ESR1: variants seen among roughly 807,000 people sequenced by gnomAD.
ESR1 encodes estrogen receptor.
Under a neutral mutation model 52.7 loss-of-function variants are expected in ESR1, and 12 were observed. The ratio of observed to expected loss-of-function variants is 0.23; its 90% CI spans 0.15 to 0.37. ESR1 has a LOEUF of 0.37. ESR1 is among the 10% of genes least tolerant of loss of function. ESR1 has a pLI of 1.00. For missense variants in ESR1, 584 were observed against 779.7 expected (o/e 0.75, Z 2.99); for synonymous variants, 305 against 316.8 (o/e 0.96, Z 0.39).
chr6:151,749,741 G>A (rs574779790), intron 2 of ESR1, among the ~76,000 whole-genome samples: 1 of 152,292 alleles, frequency 6.6e-6, no homozygotes, highest in Non-Finnish European at 1.5e-5. Context: ...TCCCCAGTCT[G>A]GGAGGCTGGT....
At position 152,098,045 on chromosome 6, in the gene ESR1, GA is replaced by G. The variant is rs1490496909; in HGVS notation, c.1554-685del. Among the ~76,000 whole-genome samples, 2 of 152,282 alleles carry G rather than the reference GA, an allele frequency of 1.3e-5. No homozygotes were observed. The highest frequency in any genetic ancestry group is 2.1e-4 in the South Asian group (1 of 4,820). On this transcript the variant is annotated intron_variant, in intron 7 of 7. Coordinates refer to ENST00000206249, the MANE Select transcript of ESR1 (RefSeq NM_000125.4). The surrounding 1 kb of genome is among the most constrained non-coding windows in gnomAD (Gnocchi z 5.1). ...AGGAGGCGGCATTTGAAGACCGGAG[GA>G]AGGTTCATCCCAGCAAGTAGGAACA... is the stretch of plus-strand genomic sequence containing the variant.
intron 1 of ESR1, among the ~76,000 whole-genome samples, chr6:151,693,918 G>T (rs1300577394): frequency 2.0e-5 from 3 of 151,984 alleles, no homozygotes; most frequent in Non-Finnish European, 4.4e-5. Flanking sequence ...ATACCCGGTT[G>T]TATGCTGATG....
Position 151,878,030 on chromosome 6 carries a change from G to T in ESR1, c.644-2625G>T, listed in dbSNP as rs188674131. Among the ~76,000 whole-genome samples the T allele has an allele frequency of 1.8e-3, 277 of 151,984 alleles. 1 individual carries two copies. Among genetic ancestry groups the T allele is most frequent in the Non-Finnish European group, 3.5e-3 (239 of 67,972 alleles). ...AGATATTGTTATGTTGCCCAGGCTG[G>T]TCTAAAACTCCTGGTCTCAAACTAT... is the stretch of plus-strand genomic sequence containing the variant. On this transcript the variant is annotated intron_variant, in intron 2 of 7. Coordinates refer to ENST00000206249, the MANE Select transcript of ESR1 (RefSeq NM_000125.4).
At chr6:151,861,365 A>T (rs1788855770) in intron 2 of ESR1, among the ~76,000 whole-genome samples, 1 of 152,242 alleles carries the variant, frequency 6.6e-6, no homozygotes, top group African/African-American at 2.4e-5. Flanking sequence ...AGGAGAATAG[A>T]TTGCAAAAAG....
chr6:152,089,558 CATGT>C (rs2050012834), intron 6 of ESR1, among the ~76,000 whole-genome samples: 1 of 152,230 alleles, frequency 6.6e-6, no homozygotes, highest in Non-Finnish European at 1.5e-5. Context: ...TGGGCACAGC[CATGT>C]GAAAGCTTTT....
intron 6 of ESR1, among the ~76,000 whole-genome samples, chr6:152,115,881 T>C (rs2747652): frequency 0.53 from 80,117 of 151,958 alleles, 21,406 homozygotes; most frequent in East Asian, 0.56. Flanking sequence ...CCCTTCCCAA[T>C]CGTCTGCACC....
At chr6:152,007,482 G>T (rs939730297) in intron 4 of ESR1, among the ~76,000 whole-genome samples, 7 of 152,000 alleles carry the variant, frequency 4.6e-5, no homozygotes, top group African/African-American at 1.7e-4. Flanking sequence ...CTGCCCATAT[G>T]CGGGGTGAGG....
At chr6:151,886,801 G>T (rs1436108671) in intron 3 of ESR1, among the ~76,000 whole-genome samples, 1 of 152,072 alleles carries the variant, frequency 6.6e-6, no homozygotes, top group Non-Finnish European at 1.5e-5. Flanking sequence ...AGCATTTTGG[G>T]AGGCCGAGGC....
Position 151,808,315 on chromosome 6 carries a change from G to C in ESR1, c.403G>C (p.Glu135Gln). 6 of 1,559,598 alleles carry C rather than the reference G, an allele frequency of 3.8e-6. No individual in the cohort carries two copies. Among genetic ancestry groups the C allele is most frequent in the South Asian group, 1.2e-5 (1 of 83,306 alleles). Residue 135 changes from glutamate (E) to glutamine (Q), a missense_variant, in exon 1 of 8, where the codon GAG becomes CAG. Transcript: ENST00000206249. ...GQQVPYYLEN[E>Q]PSGYTVREAG... ...GCAGGTGCCCTACTACCTGGAGAAC[G>C]AGCCCAGCGGCTACACGGTGCGCGA... is the stretch of plus-strand genomic sequence containing the variant.
At chr6:152,012,688 G>C (rs562018922) in intron 5 of ESR1, among the ~76,000 whole-genome samples, 38 of 152,284 alleles carry the variant, frequency 2.5e-4, no homozygotes, top group African/African-American at 8.9e-4. Context: ...GTTCAGTGAT[G>C]CCTCCTTTGG....
chr6:151,850,045 T>TTTATATATATATAAAAA (rs1562474133), intron 2 of ESR1, among the ~76,000 whole-genome samples: 1 of 22,626 alleles, frequency 4.4e-5, no homozygotes, highest in Non-Finnish European at 1.2e-4. Flanking sequence ...TATATATAAT[T>TTTATATATATATAAAAA]TTATATATAT....
At chr6:151,903,653 G>A (rs1797020506) in intron 3 of ESR1, among the ~76,000 whole-genome samples, 2 of 152,074 alleles carry the variant, frequency 1.3e-5, no homozygotes, top group Admixed American at 1.3e-4. Context: ...ATACTTCATT[G>A]AGGCTCATGC....
At chr6:152,040,795 T>C (rs1242386974) in intron 5 of ESR1, among the ~76,000 whole-genome samples, 3 of 152,086 alleles carry the variant, frequency 2.0e-5, no homozygotes, top group Non-Finnish European at 4.4e-5. Context: ...CAGCTTATCA[T>C]AGGGAACTCC....
chr6:151,770,919 G>T (rs543948938), intron 2 of ESR1, among the ~76,000 whole-genome samples: 1 of 151,936 alleles, frequency 6.6e-6, no homozygotes, highest in Non-Finnish European at 1.5e-5. Flanking sequence ...AGATGGCAGA[G>T]AAAAAAGTTT....
intron 4 of ESR1, among the ~76,000 whole-genome samples, chr6:152,009,528 T>C (rs925496719): frequency 1.3e-5 from 2 of 152,138 alleles, no homozygotes; most frequent in Non-Finnish European, 2.9e-5. Context: ...TCCTGTGTGA[T>C]ACCTCTGTAC....
At chr6:152,118,232 A>T (rs943321173) in intron 6 of ESR1, 2 of 152,154 alleles carry the variant, frequency 1.3e-5, no homozygotes, top group African/African-American at 4.8e-5. Flanking sequence ...ATTCCCTTCT[A>T]GTTTCCTCAT....
At chr6:151,745,537 T>C (rs1783419466) in intron 2 of ESR1, among the ~76,000 whole-genome samples, 1 of 152,162 alleles carries the variant, frequency 6.6e-6, no homozygotes, top group South Asian at 2.1e-4. Flanking sequence ...TTATGACATA[T>C]ATCATATAAT....
intron 2 of ESR1, among the ~76,000 whole-genome samples, chr6:151,783,353 A>G (rs572508165): frequency 6.6e-6 from 1 of 152,328 alleles, no homozygotes; most frequent in African/African-American, 2.4e-5. Context: ...ATTTGTTGTC[A>G]GGAGACAGGT....
At chr6:151,936,048 A>G (rs1258422758) in intron 3 of ESR1, 2 of 152,218 alleles carry the variant, frequency 1.3e-5, no homozygotes, top group African/African-American at 4.8e-5. Context: ...TTTAATAAAG[A>G]AAGAGTAATA....
Sources: allele counts gnomAD v4.1 joint callset (sites outside exome capture counted in the v4.1 genomes callset), GRCh38; gene constraint gnomAD v4.1.1; non-coding constraint Gnocchi (gnomAD v3.1); transcripts MANE v1.5; gene names NCBI Gene and HGNC (gene_info 2026-07-23, HGNC 2026-07-21).